The following GSE1 variants were observed in gnomAD, a reference collection of about 807,000 sequenced individuals.
GSE1 encodes genetic suppressor element 1.
Under a neutral mutation model 112.6 loss-of-function variants are expected in GSE1, and 32 were observed. The observed-to-expected ratio is 0.28, with a 90% CI of 0.21 to 0.38. GSE1 has a LOEUF of 0.38. Ranked by LOEUF, GSE1 falls within the 10% of genes least tolerant of loss-of-function variation. The pLI is 1.00. For synonymous variants in GSE1, 1,115 were observed against 735.6 expected (o/e 1.52, Z -8.35); for missense variants, 2,348 against 1,699.2 (o/e 1.38, Z -6.71).
At chr16:85,612,036 C>T (rs1002749002), upstream of GSE1, among the ~76,000 whole-genome samples, 17 of 152,020 alleles carry the variant, frequency 1.1e-4, 1 homozygote, top group South Asian at 2.9e-3. Flanking sequence ...TGCTGGTTTG[C>T]CCCAGGGCTC....
chr16:85,487,842 C>T (rs906401850), intron 2 of GSE1, among the ~76,000 whole-genome samples: 6 of 152,192 alleles, frequency 3.9e-5, no homozygotes, highest in African/African-American at 1.2e-4. Context: ...GTGCCCTTTC[C>T]GCCTCAGTTG....
At chr16:85,492,542 G>A (rs905368169) in intron 2 of GSE1, among the ~76,000 whole-genome samples, 1 of 152,214 alleles carries the variant, frequency 6.6e-6, no homozygotes, top group African/African-American at 2.4e-5. Context: ...TTCAATGAGG[G>A]GAGGTACTTT....
In GSE1 at chr16:85,520,918, C is replaced by T. The variant is rs563666353; in HGVS notation, c.2465-112996C>T. 2.7e-4 allele frequency among the ~76,000 whole-genome samples: 41 copies of T among 152,292 alleles called. No individual in the cohort carries two copies. The South Asian group carries it at 8.1e-3, about 30-fold the overall frequency. On this transcript the variant is annotated intron_variant, in intron 2 of 2. Coordinates refer to the GSE1 transcript ENST00000637419. ...AAGTGGGCCTGGTCCCGCCCGCCAC[C>T]CTCTGACAGCTGGCCAGCACTGCCC...
At chr16:85,434,381 G>A (rs1044475936) in intron 2 of GSE1, among the ~76,000 whole-genome samples, 1 of 151,852 alleles carries the variant, frequency 6.6e-6, no homozygotes, top group Non-Finnish European at 1.5e-5. Context: ...CCCGGTGTCA[G>A]CGCTTTACTT....
At chr16:85,378,243 CTG>C (rs1567721890) in intron 2 of GSE1, among the ~76,000 whole-genome samples, 3 of 152,172 alleles carry the variant, frequency 2.0e-5, no homozygotes, top group African/African-American at 7.2e-5. Flanking sequence ...CTCTGGGACT[CTG>C]TGATGTTCAG....
intron 1 of GSE1, among the ~76,000 whole-genome samples, chr16:85,253,419 T>C (rs935138772): frequency 1.3e-5 from 2 of 152,268 alleles, no homozygotes; most frequent in Admixed American, 1.3e-4. Flanking sequence ...GGAAATGGGG[T>C]GGGGTCTCCA....
intron 1 of GSE1, among the ~76,000 whole-genome samples, chr16:85,266,178 C>A (rs1055314499): frequency 5.9e-5 from 9 of 152,180 alleles, no homozygotes; most frequent in Non-Finnish European, 1.5e-5. Context: ...CCAGGAAGGG[C>A]AAACTTGTCC....
chr16:85,663,953 T>G (rs1168040696), intron 11 of GSE1, among the ~76,000 whole-genome samples: 2 of 152,268 alleles, frequency 1.3e-5, no homozygotes, highest in Non-Finnish European at 2.9e-5. Flanking sequence ...CAGGTTTGTC[T>G]GCTGCAGGCT....
intron 1 of GSE1, among the ~76,000 whole-genome samples, chr16:85,600,338 C>G (rs894636153): frequency 6.6e-6 from 1 of 152,256 alleles, no homozygotes; most frequent in East Asian, 1.9e-4. Context: ...GGGGCTGGGC[C>G]TCCTCGATGC....
intron 1 of GSE1, chr16:85,592,310 C>A (rs2047037823): frequency 6.6e-6 from 1 of 152,032 alleles, no homozygotes; most frequent in Non-Finnish European, 1.5e-5. Context: ...CCACCATGCC[C>A]AGCTAATTTT....
At chr16:85,491,400 G>A (rs894975224) in intron 2 of GSE1, among the ~76,000 whole-genome samples, 8 of 152,192 alleles carry the variant, frequency 5.3e-5, no homozygotes, top group Non-Finnish European at 1.2e-4. Flanking sequence ...GTGGGGTGTT[G>A]GAAGATGCAG....
intron 1 of GSE1, among the ~76,000 whole-genome samples, chr16:85,173,418 A>C (rs899689133): frequency 7.9e-5 from 12 of 152,194 alleles, no homozygotes; most frequent in African/African-American, 2.9e-4. Flanking sequence ...ACATGGTGAG[A>C]GTTCAATGGA....
chr16:85,295,191 C>T (rs975547545), intron 1 of GSE1, among the ~76,000 whole-genome samples: 2 of 152,220 alleles, frequency 1.3e-5, no homozygotes, highest in East Asian at 1.9e-4. Context: ...CTCCATGCCC[C>T]GCTTCCCAGG....
chr16:85,623,378 C>T (rs922597412), intron 1 of GSE1, among the ~76,000 whole-genome samples: 2 of 152,168 alleles, frequency 1.3e-5, no homozygotes, highest in Non-Finnish European at 2.9e-5. Context: ...TGTTCACTGA[C>T]CCTCTTGTCC....
intron 1 of GSE1, among the ~76,000 whole-genome samples, chr16:85,261,703 T>C (rs7188630): frequency 0.3 from 45,283 of 151,974 alleles, 6,945 homozygotes; most frequent in African/African-American, 0.36. Flanking sequence ...AGCAGATGCT[T>C]TCGGACAGAT....
intron 1 of GSE1, among the ~76,000 whole-genome samples, chr16:85,173,667 G>T (rs1470642045): frequency 6.6e-6 from 1 of 152,182 alleles, no homozygotes; most frequent in Non-Finnish European, 1.5e-5. Context: ...CCAAATTCTG[G>T]TGTATTTTCT....
chr16:85,200,378 G>A (rs1262976133), intron 1 of GSE1, among the ~76,000 whole-genome samples: 2 of 151,834 alleles, frequency 1.3e-5, no homozygotes, highest in East Asian at 1.9e-4. Context: ...TTTCCTGGGG[G>A]CTTGGGTCTC....
chr16:85,319,297 G>A (rs557179973), intron 1 of GSE1, among the ~76,000 whole-genome samples: 1 of 152,330 alleles, frequency 6.6e-6, no homozygotes, highest in East Asian at 1.9e-4. Context: ...CAGGGCACTG[G>A]GTGGGACAGT....
chr16:85,516,767 G>A (rs866958141), intron 2 of GSE1, among the ~76,000 whole-genome samples: 1 of 150,978 alleles, frequency 6.6e-6, no homozygotes, highest in Non-Finnish European at 1.5e-5. Flanking sequence ...TAACCATGGG[G>A]TGCAGCTTGG....
Sources: gnomAD v4.1 joint callset for allele counts (sites outside exome capture counted in the v4.1 genomes callset) on GRCh38, gnomAD v4.1.1 for gene constraint, MANE v1.5 for transcripts, NCBI Gene and HGNC (gene_info 2026-07-23, HGNC 2026-07-21) for gene names.